Variants in LRRC71 observed in about 807,000 individuals in gnomAD.
LRRC71 encodes the protein leucine rich repeat containing 71, also known as leucine-rich repeat-containing protein 71.
Under a neutral mutation model 66.6 loss-of-function variants are expected in LRRC71, and 54 were observed. That is an observed-to-expected ratio of 0.81 (90% confidence interval 0.65 to 1.02). The LOEUF is 1.02. Ranked by LOEUF, LRRC71 falls within the 50% of genes least tolerant of loss-of-function variation. The pLI is 0.00. For synonymous variants in LRRC71, 323 were observed against 303.9 expected (o/e 1.06, Z -0.65); for missense variants, 724 against 718.0 (o/e 1.01, Z -0.10).
In LRRC71 at chr1:156,932,462, G is replaced by A. The variant is rs367820195; in HGVS notation, c.1480G>A (p.Ala494Thr). 5.0e-5 allele frequency: 81 copies of A among 1,613,672 alleles called. No homozygotes were observed. The highest frequency in any genetic ancestry group is 6.4e-5 in the Non-Finnish European group (76 of 1,179,870). Reference protein sequence around the residue: ...ITEVGLEGFLATVQYQMQFSK... With the variant: ...ITEVGLEGFLTTVQYQMQFSK... Reference sequence around the variant, plus strand: ...AGAGGTGGGGCTGGAGGGCTTCCTCGCCACGGTGCAGTATCAGATGCAGTT... The same window carrying A: ...AGAGGTGGGGCTGGAGGGCTTCCTCACCACGGTGCAGTATCAGATGCAGTT... The change falls in exon 14 of 15, where the codon GCC (alanine) becomes ACC (threonine). Residue 494 changes from alanine (A) to threonine (T), a missense_variant. Transcript: ENST00000337428.
rs540840383 is a variant in LRRC71 at position 156,932,880 on chromosome 1, G to C, written c.1591G>C (p.Ala531Pro). 3 of 1,609,026 alleles carry C rather than the reference G, an allele frequency of 1.9e-6. No homozygotes were observed. In the East Asian group the frequency reaches 6.7e-5, roughly 36 times the overall value. Residue 531 changes from alanine to proline, a missense_variant, in exon 15 of 15, where the codon GCG becomes CCG. Transcript: ENST00000337428. ...AKNCFAPQCP[A>P]YAIIQELMLP... ...AAATTGCTTCGCCCCACAATGTCCT[G>C]CGTACGCCATAATCCAGGAGCTGAT...
At chr1:156,939,725 G>A in the LRRC71 span, 2 of 1,613,988 alleles carry the variant, frequency 1.2e-6, no homozygotes, top group Admixed American at 1.7e-5. Flanking sequence ...AGCCCTGCAA[G>A]CTGGGTGTTG....
chr1:156,924,040 G>GCCCC lies in LRRC71; in HGVS notation c.253_256dup (p.Arg86ProfsTer32). On this transcript the variant is annotated frameshift_variant, in exon 2 of 15. Transcript: ENST00000337428. LOFTEE classifies it high-confidence loss of function. ...CGGACTTCCCCAAAGTTGTCAACCGGCCCCGCCCCCACCCGCCCTTCGTCC... is the reference window on the plus strand; with the variant it reads ...CGGACTTCCCCAAAGTTGTCAACCGGCCCCCCCCGCCCCCACCCGCCCTTCGTCC... The GCCCC allele has an allele frequency of 6.5e-7, 1 of 1,546,564 alleles. No individual in the cohort carries two copies. The highest frequency in any genetic ancestry group is 2.0e-5 in the Admixed American group (1 of 50,762).
chr1:156,927,345 C>T, intron 6 of LRRC71, 75 bp downstream of exon 6: 2 of 1,561,150 alleles, frequency 1.3e-6, no homozygotes, highest in South Asian at 1.1e-5. Flanking sequence ...CCCCGCCCTT[C>T]CTTGTCCCCC....
At chr1:156,932,772 C>T (rs947441050) in intron 14 of LRRC71, 81 bp from the exon 15 acceptor site, 21 of 1,459,648 alleles carry the variant, frequency 1.4e-5, no homozygotes, top group Middle Eastern at 3.8e-4. Flanking sequence ...ACCCACCCTG[C>T]CCCAGGACCA....
downstream of LRRC71, chr1:156,935,989 G>A (rs202085216): frequency 6.2e-7 from 1 of 1,611,140 alleles, no homozygotes; most frequent in South Asian, 1.1e-5. Context: ...AGGATTTGGT[G>A]GTTTGTACGG....
chr1:156,941,070 G>C, the LRRC71 span, among the ~76,000 whole-genome samples: 1 of 151,202 alleles, frequency 6.6e-6, no homozygotes, highest in Non-Finnish European at 1.5e-5. Context: ...CCTGGCTGGA[G>C]GATGCAGGGC....
the LRRC71 span, chr1:156,939,732 G>A: frequency 1.2e-6 from 2 of 1,614,102 alleles, no homozygotes; most frequent in Non-Finnish European, 1.7e-6. Flanking sequence ...CAAGCTGGGT[G>A]TTGTCCCCTT....
intron 11 of LRRC71, among the ~76,000 whole-genome samples, chr1:156,930,068 C>CTT (rs1654101626): frequency 1.3e-4 from 15 of 119,646 alleles, no homozygotes; most frequent in African/African-American, 4.6e-4. Flanking sequence ...CTTTTTCTTT[C>CTT]TTTCTTTCTT....
At chr1:156,940,539 G>A in the LRRC71 span, 2 of 955,876 alleles carry the variant, frequency 2.1e-6, no homozygotes, top group Non-Finnish European at 3.0e-6. Flanking sequence ...TTCTACAGTT[G>A]TTTACTGAGA....
chr1:156,928,408 C>CTTCTTCTTCT (rs1491124092), intron 9 of LRRC71, among the ~76,000 whole-genome samples: 27 of 34,482 alleles, frequency 7.8e-4, no homozygotes, highest in East Asian at 2.2e-3. Context: ...CTTCTTCTTC[C>CTTCTTCTTCT]TCTTATTCCT....
chr1:156,921,062 C>T (rs41273223), intron 1 of LRRC71, 99 bp downstream of exon 1: 2 of 1,311,340 alleles, frequency 1.5e-6, no homozygotes, highest in Non-Finnish European at 2.0e-6. Flanking sequence ...TGAACTCATA[C>T]ATACCTACGT....
chr1:156,929,496 G>T, intron 10 of LRRC71, 67 bp downstream of exon 10: 1 of 1,600,144 alleles, frequency 6.2e-7, no homozygotes, highest in Non-Finnish European at 8.5e-7. Flanking sequence ...ATCATGTACA[G>T]AGGTGGTGGA....
chr1:156,931,624 T>C (rs1654379050), intron 12 of LRRC71, among the ~76,000 whole-genome samples: 1 of 152,234 alleles, frequency 6.6e-6, no homozygotes, highest in Non-Finnish European at 1.5e-5. Flanking sequence ...GACAATATCA[T>C]GTGCGTTCAC....
chr1:156,935,596 C>A (rs544553005), downstream of LRRC71: 17 of 173,852 alleles, frequency 9.8e-5, no homozygotes, highest in East Asian at 2.6e-3. Context: ...TGCCTGGGGT[C>A]TTATGGAGAA....
At chr1:156,936,670 C>G, downstream of LRRC71, 1 of 981,950 alleles carries the variant, frequency 1.0e-6, no homozygotes, top group Non-Finnish European at 1.5e-6. Flanking sequence ...AAAGATCCCT[C>G]TCTGAAGCTG....
intron 5 of LRRC71, among the ~76,000 whole-genome samples, chr1:156,926,739 TA>T (rs1653268217): frequency 6.6e-6 from 1 of 152,150 alleles, no homozygotes; most frequent in African/African-American, 2.4e-5. Flanking sequence ...CATGTCCCGC[TA>T]ATTTTTTGTA....
At chr1:156,922,772 A>C (rs1458392735) in intron 1 of LRRC71, among the ~76,000 whole-genome samples, 1 of 152,178 alleles carries the variant, frequency 6.6e-6, no homozygotes, top group African/African-American at 2.4e-5. Flanking sequence ...ACAGAATCAG[A>C]ATTTCTGTAG....
downstream of LRRC71, chr1:156,937,044 C>A (rs1458496164): frequency 1.2e-6 from 2 of 1,601,420 alleles, no homozygotes; most frequent in South Asian, 2.2e-5. Flanking sequence ...TCGAGTCCTT[C>A]TATTCCTAAG....
Sources: allele counts gnomAD v4.1 joint callset (sites outside exome capture counted in the v4.1 genomes callset), GRCh38; gene constraint gnomAD v4.1.1; transcripts MANE v1.5; gene names NCBI Gene and HGNC (gene_info 2026-07-23, HGNC 2026-07-21).